Variants in TMEM14C observed in about 807,000 individuals in gnomAD.
TMEM14C encodes the protein transmembrane protein 14C.
Under a neutral mutation model 14.8 loss-of-function variants are expected in TMEM14C, and 13 were observed. The ratio of observed to expected loss-of-function variants is 0.88; its 90% CI spans 0.57 to 1.40. TMEM14C has a LOEUF of 1.40. Ranked by LOEUF, TMEM14C falls within the 40% of genes most tolerant of loss-of-function variation. The pLI is 0.00. For missense variants in TMEM14C, 142 were observed against 138.8 expected (o/e 1.02, Z -0.12); for synonymous variants, 57 against 51.3 (o/e 1.11, Z -0.48).
chr6:10,728,983 T>C, intron 5 of TMEM14C: 1 of 766,846 alleles, frequency 1.3e-6, no homozygotes, highest in Non-Finnish European at 2.0e-6. Flanking sequence ...CCTCCCTATA[T>C]GGTGGCAGAA....
chr6:10,729,139 T>G (rs1354864383), intron 5 of TMEM14C, among the ~76,000 whole-genome samples: 1 of 152,140 alleles, frequency 6.6e-6, no homozygotes, highest in East Asian at 1.9e-4. Context: ...CTATTTTTTG[T>G]TGTTGTTATT....
At chr6:10,727,209 T>C (rs1357896139) in intron 4 of TMEM14C, among the ~76,000 whole-genome samples, 3 of 152,200 alleles carry the variant, frequency 2.0e-5, no homozygotes, top group African/African-American at 4.8e-5. Context: ...TGTCTTCCTC[T>C]GGGCTTTGGG....
intron 5 of TMEM14C, 68 bp downstream of exon 5, chr6:10,728,795 T>C: frequency 1.9e-6 from 3 of 1,607,786 alleles, no homozygotes; most frequent in Non-Finnish European, 2.5e-6. Flanking sequence ...ACCTTATGCA[T>C]TCAAAACCTT....
In TMEM14C at chr6:10,725,841, T is replaced by C. The variant is rs193143451; in HGVS notation, c.98-66T>C. Reference sequence around the variant, plus strand: ...TGTCCTCCTTTGTAGGGCAGCGGTCTGGGGGATTCCGTTAGTGAAATAAGT... The same window carrying C: ...TGTCCTCCTTTGTAGGGCAGCGGTCCGGGGGATTCCGTTAGTGAAATAAGT... On this transcript the variant is annotated intron_variant, in intron 3 of 5. Transcript: ENST00000229563. 301 of 1,601,352 alleles carry C rather than the reference T, an allele frequency of 1.9e-4. 1 individual carries two copies. The African/African-American group carries it at 3.2e-3, about 17-fold the overall frequency.
At chr6:10,726,114 C>T (rs976565652) in intron 4 of TMEM14C, 106 bp downstream of exon 4, 33 of 1,257,828 alleles carry the variant, frequency 2.6e-5, no homozygotes, top group South Asian at 2.3e-4. Flanking sequence ...ACTTCACTTA[C>T]GACAATTTCA....
chr6:10,727,029 A>G (rs969948935), intron 4 of TMEM14C, among the ~76,000 whole-genome samples: 2 of 152,132 alleles, frequency 1.3e-5, no homozygotes, highest in Non-Finnish European at 2.9e-5. Context: ...TCCCTCCCTC[A>G]TGCTCCAGAA....
intron 5 of TMEM14C, 90 bp from the exon 6 acceptor site, chr6:10,730,525 T>C (rs1770994942): frequency 1.5e-6 from 2 of 1,294,460 alleles, no homozygotes; most frequent in African/African-American, 1.5e-5. Flanking sequence ...CCCCACGCAG[T>C]TGTGAGGAAC....
At chr6:10,728,382 G>C (rs1194293180) in intron 4 of TMEM14C, among the ~76,000 whole-genome samples, 2 of 152,194 alleles carry the variant, frequency 1.3e-5, no homozygotes, top group Admixed American at 6.5e-5. Flanking sequence ...TAAAGTGTGG[G>C]TTTTGCAGAA....
chr6:10,730,121 A>G (rs1770983737), intron 5 of TMEM14C, among the ~76,000 whole-genome samples: 1 of 152,142 alleles, frequency 6.6e-6, no homozygotes, highest in African/African-American at 2.4e-5. Context: ...AAAATAAAAA[A>G]CCTTCTCAAA....
Position 10,724,890 on chromosome 6 carries a change from T to C in TMEM14C, c.21-71T>C, listed in dbSNP as rs1479777725. ...CCTGTGGGGAATGATTACCTTTTAG[T>C]CCCATCCTATGACAGTATGGTTTGT... On this transcript the variant is annotated intron_variant, in intron 2 of 5. Transcript: ENST00000229563. 2.6e-6 allele frequency: 4 copies of C among 1,554,502 alleles called. No homozygotes were observed. In the Middle Eastern group the frequency reaches 5.0e-4, roughly 196 times the overall value.
intron 4 of TMEM14C, among the ~76,000 whole-genome samples, chr6:10,728,294 G>C (rs1160220005): frequency 6.6e-6 from 1 of 152,244 alleles, no homozygotes; most frequent in East Asian, 1.9e-4. Context: ...AGTGGGAATT[G>C]TGTGCAGGGT....
At chr6:10,728,219 A>T (rs10456317) in intron 4 of TMEM14C, among the ~76,000 whole-genome samples, 80,417 of 152,110 alleles carry the variant, frequency 0.53, 22,376 homozygotes, top group South Asian at 0.64. Context: ...CAGTTACAAT[A>T]ACCTTTGTAT....
chr6:10,726,428 A>C (rs1470968154), intron 4 of TMEM14C, among the ~76,000 whole-genome samples: 1 of 152,186 alleles, frequency 6.6e-6, no homozygotes, highest in East Asian at 1.9e-4. Flanking sequence ...GCAGTGACTC[A>C]CACCTGTAAT....
At chr6:10,730,587 C>CA (rs1287198092) in intron 5 of TMEM14C, 28 bp from the exon 6 acceptor site, 2 of 1,608,778 alleles carry the variant, frequency 1.2e-6, no homozygotes, top group African/African-American at 2.7e-5. Context: ...CTTTACCTGA[C>CA]ATTTTCTATC....
chr6:10,727,624 C>A (rs985672870), intron 4 of TMEM14C, among the ~76,000 whole-genome samples: 1 of 151,994 alleles, frequency 6.6e-6, no homozygotes, highest in African/African-American at 2.4e-5. Flanking sequence ...GAGTTTGAGA[C>A]CACCGTAGGC....
intron 4 of TMEM14C, 82 bp from the exon 5 acceptor site, chr6:10,728,558 T>G (rs1770934078): frequency 9.2e-6 from 13 of 1,416,422 alleles, no homozygotes; most frequent in African/African-American, 1.4e-5. Flanking sequence ...CCTTGAGAGA[T>G]GGGTGGGGCT....
intron 4 of TMEM14C, 83 bp from the exon 5 acceptor site, chr6:10,728,557 A>C: frequency 7.1e-7 from 1 of 1,415,562 alleles, no homozygotes; most frequent in Non-Finnish European, 9.9e-7. Context: ...GCCTTGAGAG[A>C]TGGGTGGGGC....
Position 10,725,770 on chromosome 6 carries a change from G to C in TMEM14C, c.98-137G>C, listed in dbSNP as rs992837854. The C allele has an allele frequency of 4.0e-6, 4 of 1,009,324 alleles. No individual in the cohort carries two copies. In the African/African-American group the frequency reaches 6.4e-5, roughly 16 times the overall value. 62.5% of individuals were successfully genotyped at this position (1,009,324 alleles called of 1,614,324 possible). On this transcript the variant is annotated intron_variant, in intron 3 of 5. Transcript: ENST00000229563. ...AGCACACTCTCTGTAACGTCTTCCTGCTTGAGTCCACCTTGGCTATGAGCT... is the reference window on the plus strand; with the variant it reads ...AGCACACTCTCTGTAACGTCTTCCTCCTTGAGTCCACCTTGGCTATGAGCT...
chr6:10,725,546 C>T (rs978044842), intron 3 of TMEM14C, among the ~76,000 whole-genome samples: 12 of 152,168 alleles, frequency 7.9e-5, no homozygotes, highest in African/African-American at 2.4e-4. Flanking sequence ...TCTCCTTCTC[C>T]TTTTGTGATT....
Sources: allele counts gnomAD v4.1 joint callset (sites outside exome capture counted in the v4.1 genomes callset), GRCh38; gene constraint gnomAD v4.1.1; transcripts MANE v1.5; gene names NCBI Gene and HGNC (gene_info 2026-07-23, HGNC 2026-07-21).